CALN1: variants seen among roughly 807,000 people sequenced by gnomAD.
The protein encoded by CALN1 is calneuron 1, also known as calcium-binding protein 8.
A neutral mutation model predicts 30.6 loss-of-function variants in CALN1; 17 were observed. That is an observed-to-expected ratio of 0.56 (90% confidence interval 0.38 to 0.83). CALN1 has a LOEUF of 0.83. CALN1 is among the 40% of genes least tolerant of loss of function. CALN1 has a pLI of 0.00. For missense variants in CALN1, 291 were observed against 354.9 expected, an observed-to-expected ratio of 0.82 and a Z score of 1.45; for synonymous variants, 156 against 131.4, an observed-to-expected ratio of 1.19 and a Z score of -1.28.
At chr7:72,291,186 G>C (rs1798454281) in intron 2 of CALN1, among the ~76,000 whole-genome samples, 1 of 152,154 alleles carries the variant, frequency 6.6e-6, no homozygotes. Flanking sequence ...GCATCCCAAA[G>C]TGCTGGGATT....
At chr7:71,799,784 A>G (rs1787198599) in intron 6 of CALN1, among the ~76,000 whole-genome samples, 1 of 151,932 alleles carries the variant, frequency 6.6e-6, no homozygotes, top group Non-Finnish European at 1.5e-5. Flanking sequence ...CTGGGTCTCT[A>G]TTTTCTGTTT....
chr7:72,336,756 C>A (rs985860927), intron 2 of CALN1: 23 of 985,158 alleles, frequency 2.3e-5, no homozygotes, highest in Admixed American at 6.2e-5. Flanking sequence ...CTCCGCACAG[C>A]GCGGGGGGCT....
chr7:72,044,599 CTTTTTTTTTT>C (rs549079139), intron 4 of CALN1, among the ~76,000 whole-genome samples: 46,300 of 96,352 alleles, frequency 0.48, 9,425 homozygotes, highest in Middle Eastern at 0.66. Context: ...CCGCTTAAAA[CTTTTTTTTTT>C]TTTTTTTTTT....
At position 72,303,079 on chromosome 7, in the gene CALN1, C is replaced by CA. The variant is rs1013241310; in HGVS notation, c.120-24270dup. On this transcript the variant is annotated intron_variant, in intron 2 of 6. Transcript: ENST00000395275. ...CTGGTGACAGAGACAGACCCTGTCT[C>CA]AAAAAAAAAAGAAAAGGAATTTTAC... is the stretch of plus-strand genomic sequence containing the variant. Among the ~76,000 whole-genome samples, 103 of 135,212 alleles carry CA rather than the reference C, an allele frequency of 7.6e-4. No individual in the cohort carries two copies. The South Asian group carries it at 7.6e-3, about 10-fold the overall frequency. The allele number at this position is 135,212 out of a possible 152,430, so 88.7% of individuals were successfully genotyped here.
intron 1 of CALN1, among the ~76,000 whole-genome samples, chr7:72,408,587 A>G (rs1806868725): frequency 6.6e-6 from 1 of 151,708 alleles, no homozygotes; most frequent in African/African-American, 2.4e-5. Flanking sequence ...GTATAAATTC[A>G]TGGGATACAA....
At chr7:72,387,293 G>GAA (rs1805283939) in intron 2 of CALN1, among the ~76,000 whole-genome samples, 1 of 124,328 alleles carries the variant, frequency 8.0e-6, no homozygotes, top group African/African-American at 3.1e-5. Flanking sequence ...AGGGAGGGAG[G>GAA]GAGGGAGGGA....
At chr7:71,823,773 A>G (rs1213032700) in intron 5 of CALN1, among the ~76,000 whole-genome samples, 2 of 152,088 alleles carry the variant, frequency 1.3e-5, no homozygotes, top group Non-Finnish European at 2.9e-5. Flanking sequence ...AAAGAAAAGA[A>G]AAGGAAAAAG....
At chr7:72,131,266 C>G (rs754191812) in intron 3 of CALN1, among the ~76,000 whole-genome samples, 1 of 152,088 alleles carries the variant, frequency 6.6e-6, no homozygotes, top group Non-Finnish European at 1.5e-5. Flanking sequence ...CGGGGATGTA[C>G]AAGATCCTTA....
chr7:71,874,243 C>T (rs1051777144), intron 5 of CALN1, among the ~76,000 whole-genome samples: 8 of 145,550 alleles, frequency 5.5e-5, no homozygotes, highest in African/African-American at 2.1e-4. Flanking sequence ...CCACTGCACT[C>T]CAGCCTGGGT....
chr7:71,835,844 G>A (rs1454052176), intron 5 of CALN1, among the ~76,000 whole-genome samples: 1 of 152,182 alleles, frequency 6.6e-6, no homozygotes. Context: ...TCCTTGTGAA[G>A]CTCTTTTGTC....
chr7:72,411,602 C>A lies in CALN1; in HGVS notation c.-74+456G>T, dbSNP rs1165680065. ...CACTCAAATTGTAGTCTCAAAATAC[C>A]ACTTCCGGCTAAGTAATCAGCTCCA... On this transcript the variant is annotated intron_variant, in intron 1 of 6. Transcript: ENST00000395275. 2.6e-5 allele frequency among the ~76,000 whole-genome samples: 4 copies of A among 152,108 alleles called. 1 individual carries two copies. The highest frequency in any genetic ancestry group is 1.5e-5 in the Non-Finnish European group (1 of 68,034).
chr7:71,951,260 A>G (rs1176331195), intron 5 of CALN1, among the ~76,000 whole-genome samples: 2 of 152,158 alleles, frequency 1.3e-5, no homozygotes, highest in African/African-American at 2.4e-5. Context: ...TCTCCAGAAA[A>G]CACTCTCAGT....
intron 5 of CALN1, among the ~76,000 whole-genome samples, chr7:71,886,404 C>G (rs17137585): frequency 3.9e-5 from 6 of 152,196 alleles, no homozygotes; most frequent in Non-Finnish European, 8.8e-5. Flanking sequence ...ATGTCACTCA[C>G]GTCTTTCTGT....
At chr7:72,282,842 T>G (rs1585353458) in intron 2 of CALN1, among the ~76,000 whole-genome samples, 1 of 151,990 alleles carries the variant, frequency 6.6e-6, no homozygotes, top group Admixed American at 6.5e-5. Context: ...TCACCCAAGG[T>G]CAGGAGTTGG....
At chr7:71,882,655 A>G (rs1348783053) in intron 5 of CALN1, among the ~76,000 whole-genome samples, 1 of 151,966 alleles carries the variant, frequency 6.6e-6, no homozygotes, top group African/African-American at 2.4e-5. Flanking sequence ...GTCTTCCCCC[A>G]ATACTTTATT....
At position 72,036,353 on chromosome 7, in the gene CALN1, A is replaced by G. The variant is rs569729059; in HGVS notation, c.389-12584T>C. ...AGTTCATCTTACCTGGATATTGTCA[A>G]TCTCCTTGAATGTTTAATATTTTTC... On this transcript the variant is annotated intron_variant, in intron 4 of 6. Coordinates refer to ENST00000395275, the MANE Select transcript of CALN1 (RefSeq NM_031468.4). Among the ~76,000 whole-genome samples the G allele has an allele frequency of 2.0e-4, 30 of 152,218 alleles. No individual in the cohort carries two copies. In the East Asian group the frequency reaches 5.2e-3, roughly 26 times the overall value.
At chr7:72,458,238 T>G in the CALN1 span, among the ~76,000 whole-genome samples, 2 of 105,916 alleles carry the variant, frequency 1.9e-5, no homozygotes, top group Non-Finnish European at 3.5e-5. Flanking sequence ...ATATATTCTA[T>G]ATTATATAAT....
intron 5 of CALN1, among the ~76,000 whole-genome samples, chr7:71,853,083 G>C (rs916416463): frequency 1.3e-5 from 2 of 151,146 alleles, no homozygotes; most frequent in African/African-American, 4.9e-5. Flanking sequence ...ATTATTATTT[G>C]CTTTTTTTTT....
intron 2 of CALN1, among the ~76,000 whole-genome samples, chr7:72,294,786 A>G (rs1044186553): frequency 1.3e-5 from 2 of 151,862 alleles, no homozygotes; most frequent in Non-Finnish European, 2.9e-5. Context: ...ATAAATACAG[A>G]TTTTTAAAAA....
Sources: gnomAD v4.1 joint callset for allele counts (sites outside exome capture counted in the v4.1 genomes callset) on GRCh38, gnomAD v4.1.1 for gene constraint, MANE v1.5 for transcripts, NCBI Gene and HGNC (gene_info 2026-07-23, HGNC 2026-07-21) for gene names.